Variants in RBPJ observed in about 807,000 individuals in gnomAD.
RBPJ encodes recombination signal binding protein for immunoglobulin kappa J region.
RBPJ carries 9 observed loss-of-function variants against 67.8 expected under a neutral mutation model. The observed-to-expected ratio is 0.13, with a 90% CI of 0.08 to 0.23. RBPJ has a LOEUF of 0.23. Ranked by LOEUF, RBPJ falls within the 10% of genes least tolerant of loss-of-function variation. The pLI, the probability that RBPJ is intolerant of heterozygous loss-of-function variation, is 1.00. For missense variants in RBPJ, 305 were observed against 595.6 expected, an observed-to-expected ratio of 0.51 and a Z score of 5.08; for synonymous variants, 198 against 203.3, an observed-to-expected ratio of 0.97 and a Z score of 0.22.
the RBPJ span, among the ~76,000 whole-genome samples, chr4:26,138,846 C>A: frequency 6.6e-6 from 1 of 152,220 alleles, no homozygotes; most frequent in Non-Finnish European, 1.5e-5. Flanking sequence ...CAGTATATGA[C>A]TTCAGCTTGT....
intron 1 of RBPJ, among the ~76,000 whole-genome samples, chr4:26,354,642 G>T (rs1040798117): frequency 6.6e-6 from 1 of 151,810 alleles, no homozygotes; most frequent in Non-Finnish European, 1.5e-5. Context: ...TAGAGACCGG[G>T]TTTCTCCGTG....
intron 1 of RBPJ, 60 bp downstream of exon 1, chr4:26,321,108 A>C: frequency 2.1e-6 from 3 of 1,401,592 alleles, no homozygotes; most frequent in Non-Finnish European, 3.0e-6. Context: ...CTGGCAGCTC[A>C]CGGCGGGCAG....
chr4:26,145,777 A>G, the RBPJ span, among the ~76,000 whole-genome samples: 2 of 152,096 alleles, frequency 1.3e-5, no homozygotes, highest in Non-Finnish European at 2.9e-5. Flanking sequence ...GAGGAGAAAA[A>G]CCTCTAGTTG....
intron 3 of RBPJ, among the ~76,000 whole-genome samples, chr4:26,412,369 C>T (rs376922363): frequency 2.0e-5 from 3 of 152,058 alleles, no homozygotes; most frequent in African/African-American, 7.2e-5. Context: ...GTAACTGGGA[C>T]TACAGGCGTG....
chr4:26,263,479 C>T (rs1428728237), intron 1 of RBPJ, among the ~76,000 whole-genome samples: 1 of 152,218 alleles, frequency 6.6e-6, no homozygotes, highest in Non-Finnish European at 1.5e-5. Context: ...GCCACAACAG[C>T]ACCTTGCTAC....
intron 1 of RBPJ, among the ~76,000 whole-genome samples, chr4:26,172,299 A>T (rs1004178542): frequency 4.6e-5 from 7 of 152,186 alleles, no homozygotes; most frequent in African/African-American, 1.7e-4. Context: ...AAAAAATTAA[A>T]AAAGAAAGAA....
At chr4:26,142,784 G>A in the RBPJ span, among the ~76,000 whole-genome samples, 3 of 151,870 alleles carry the variant, frequency 2.0e-5, no homozygotes, top group African/African-American at 7.3e-5. Flanking sequence ...GTGTGTGTGT[G>A]TGTGAGAGAG....
intron 1 of RBPJ, among the ~76,000 whole-genome samples, chr4:26,287,646 G>GAAGAGAAGAA (rs1460069596): frequency 8.5e-6 from 1 of 118,190 alleles, no homozygotes; most frequent in Non-Finnish European, 1.7e-5. Flanking sequence ...GAGGAGCAGA[G>GAAGAGAAGAA]AAGAGAAGAA....
At chr4:26,207,559 A>G (rs1430279209) in intron 1 of RBPJ, among the ~76,000 whole-genome samples, 1 of 152,178 alleles carries the variant, frequency 6.6e-6, no homozygotes, top group East Asian at 1.9e-4. Context: ...TGAGCTAAGG[A>G]TAAAGATGAG....
chr4:26,111,896 A>T, the RBPJ span: 1 of 210,572 alleles, frequency 4.7e-6, no homozygotes, highest in Non-Finnish European at 1.0e-5. Flanking sequence ...GTGTCATTCA[A>T]GGATGTATGC....
the RBPJ span, among the ~76,000 whole-genome samples, chr4:26,129,627 T>C: frequency 6.6e-6 from 1 of 152,176 alleles, no homozygotes; most frequent in Non-Finnish European, 1.5e-5. Context: ...ATTATAGATA[T>C]GATGATGCTA....
intron 2 of RBPJ, among the ~76,000 whole-genome samples, chr4:26,393,792 C>T (rs1196278061): frequency 6.6e-6 from 1 of 150,922 alleles, no homozygotes; most frequent in Non-Finnish European, 1.5e-5. Flanking sequence ...AACATTTTTT[C>T]TCTCCATTGG....
chr4:26,186,959 G>A (rs534298758), intron 1 of RBPJ, among the ~76,000 whole-genome samples: 3 of 152,198 alleles, frequency 2.0e-5, no homozygotes, highest in South Asian at 2.1e-4. Flanking sequence ...AGTGGACCAC[G>A]CCTGTAATTT....
chr4:26,362,536 T>A, intron 1 of RBPJ: 1 of 1,602,986 alleles, frequency 6.2e-7, no homozygotes. Context: ...ATGATACAGA[T>A]ACACTGGCTG....
chr4:26,254,843 ATTTTTTTTTTTTTTTTTTTTTTTTT>A (rs71643604), intron 1 of RBPJ, among the ~76,000 whole-genome samples: 7 of 16,550 alleles, frequency 4.2e-4, no homozygotes. Context: ...ATGCCCAGCT[ATTTTTTTTTTTTTTTTTTTTTTTTT>A]TTTTTTTTTT....
At chr4:26,356,428 CTGTT>C (rs758481230) in intron 1 of RBPJ, among the ~76,000 whole-genome samples, 35 of 152,160 alleles carry the variant, frequency 2.3e-4, no homozygotes, top group African/African-American at 4.8e-4. Context: ...TTCTTCCTGT[CTGTT>C]TGTAACCCAT....
intron 1 of RBPJ, among the ~76,000 whole-genome samples, chr4:26,382,623 G>T (rs2109610359): frequency 6.6e-6 from 1 of 152,238 alleles, no homozygotes; most frequent in African/African-American, 2.4e-5. Context: ...ACTCACTGCA[G>T]CCTCCATTCC....
chr4:26,302,266 C>A (rs1039835485), intron 1 of RBPJ, among the ~76,000 whole-genome samples: 1 of 152,218 alleles, frequency 6.6e-6, no homozygotes, highest in African/African-American at 2.4e-5. Flanking sequence ...AGAAGAGGAA[C>A]TTCTCTGAAT....
At chr4:26,235,524 GA>G (rs1344591388) in intron 1 of RBPJ, among the ~76,000 whole-genome samples, 1 of 152,132 alleles carries the variant, frequency 6.6e-6, no homozygotes, top group African/African-American at 2.4e-5. Context: ...AGCTATTCTT[GA>G]CCATGCTTTA....
Sources: gnomAD v4.1 joint callset for allele counts (sites outside exome capture counted in the v4.1 genomes callset) on GRCh38, gnomAD v4.1.1 for gene constraint, MANE v1.5 for transcripts, NCBI Gene and HGNC (gene_info 2026-07-23, HGNC 2026-07-21) for gene names.